The following SERAC1 variants were observed in gnomAD, a reference collection of about 807,000 sequenced individuals.
SERAC1 encodes protein SERAC1.
SERAC1 carries 36 observed loss-of-function variants against 85.7 expected under a neutral mutation model. That is an observed-to-expected ratio of 0.42 (90% CI 0.32 to 0.55). SERAC1 has a LOEUF of 0.55. Ranked by LOEUF, SERAC1 falls within the 20% of genes least tolerant of loss-of-function variation. The pLI, the probability that SERAC1 is intolerant of heterozygous loss-of-function variation, is 0.11. For synonymous variants in SERAC1, 242 were observed against 265.3 expected (o/e 0.91, Z 0.85); for missense variants, 629 against 796.2 (o/e 0.79, Z 2.53).
chr6:158,129,931 G>A (rs1167743044), intron 9 of SERAC1, among the ~76,000 whole-genome samples: 3 of 152,012 alleles, frequency 2.0e-5, no homozygotes, highest in Non-Finnish European at 4.4e-5. Flanking sequence ...CCTGACCTCA[G>A]GTGACCCACC....
chr6:158,150,121 G>A (rs1785168125), intron 4 of SERAC1, among the ~76,000 whole-genome samples: 1 of 152,172 alleles, frequency 6.6e-6, no homozygotes, highest in African/African-American at 2.4e-5. Context: ...AAATATCACT[G>A]AGCTAAATTA....
intron 8 of SERAC1, among the ~76,000 whole-genome samples, chr6:158,136,642 G>A (rs1361787002): frequency 2.0e-5 from 3 of 152,164 alleles, no homozygotes; most frequent in African/African-American, 4.8e-5. Context: ...CTACAGGCAT[G>A]GGCCACTGTG....
intron 8 of SERAC1, among the ~76,000 whole-genome samples, chr6:158,135,400 G>A (rs1024384515): frequency 6.6e-6 from 1 of 151,972 alleles, no homozygotes; most frequent in East Asian, 1.9e-4. Context: ...GCATGGTGGC[G>A]GATATGCCTA....
chr6:158,126,979 G>A (rs1784553211), intron 10 of SERAC1, among the ~76,000 whole-genome samples: 1 of 151,734 alleles, frequency 6.6e-6, no homozygotes, highest in Non-Finnish European at 1.5e-5. Context: ...ATTGAGCCTA[G>A]GAGTTTAAGG....
chr6:158,148,771 A>G, intron 5 of SERAC1, 94 bp downstream of exon 5: 4 of 883,366 alleles, frequency 4.5e-6, no homozygotes, highest in Non-Finnish European at 6.8e-6. Context: ...TATAAAAAAT[A>G]TTAGTATAAG....
intron 3 of SERAC1, among the ~76,000 whole-genome samples, chr6:158,151,316 C>T (rs1434553641): frequency 6.6e-6 from 1 of 152,188 alleles, no homozygotes; most frequent in Non-Finnish European, 1.5e-5. Flanking sequence ...GAGGCTAAAG[C>T]AGAAGGATCC....
chr6:158,125,932 A>T (rs1397323452), intron 10 of SERAC1, among the ~76,000 whole-genome samples: 3 of 151,006 alleles, frequency 2.0e-5, no homozygotes, highest in African/African-American at 7.4e-5. Context: ...GAATTTAAAA[A>T]CAAACACTCA....
At chr6:158,151,523 G>A (rs191089056) in intron 3 of SERAC1, among the ~76,000 whole-genome samples, 1,624 of 152,114 alleles carry the variant, frequency 0.011, 5 homozygotes, top group Middle Eastern at 0.037. Context: ...CTGGGTTCAC[G>A]CCATTCTCTC....
intron 13 of SERAC1, 151 bp from the exon 14 acceptor site, chr6:158,116,433 T>C (rs1158405177): frequency 1.6e-6 from 1 of 623,002 alleles, no homozygotes; most frequent in Non-Finnish European, 2.8e-6. Flanking sequence ...CTGCTTAATA[T>C]AAAATACCCC....
intron 8 of SERAC1, among the ~76,000 whole-genome samples, chr6:158,139,527 CA>C (rs1314421794): frequency 6.6e-6 from 1 of 152,116 alleles, no homozygotes; most frequent in Non-Finnish European, 1.5e-5. Flanking sequence ...GGTGCTGCAA[CA>C]TGAAAAGATG....
At chr6:158,137,395 C>T (rs1214829172) in intron 8 of SERAC1, among the ~76,000 whole-genome samples, 1 of 151,038 alleles carries the variant, frequency 6.6e-6, no homozygotes, top group African/African-American at 2.4e-5. Flanking sequence ...TTTTTTGAGA[C>T]GGAGTCTTGC....
chr6:158,136,078 G>A (rs549587499), intron 8 of SERAC1, among the ~76,000 whole-genome samples: 74 of 152,214 alleles, frequency 4.9e-4, no homozygotes, highest in African/African-American at 1.6e-3. Context: ...CCAAAGTGCT[G>A]GAATTACAGG....
intron 15 of SERAC1, among the ~76,000 whole-genome samples, chr6:158,114,084 TGAG>T (rs1402819279): frequency 2.6e-5 from 4 of 151,616 alleles, no homozygotes; most frequent in African/African-American, 4.8e-5. Context: ...AACAGCTAGA[TGAG>T]GAGTAGAAGG....
At chr6:158,113,898 C>T (rs968972161) in intron 15 of SERAC1, among the ~76,000 whole-genome samples, 8 of 152,100 alleles carry the variant, frequency 5.3e-5, no homozygotes, top group Non-Finnish European at 1.2e-4. Flanking sequence ...GGCACCACAA[C>T]ACCCACCCCA....
chr6:158,131,693 G>A (rs1784680906), intron 8 of SERAC1, among the ~76,000 whole-genome samples: 3 of 151,988 alleles, frequency 2.0e-5, no homozygotes, highest in Admixed American at 6.6e-5. Context: ...TGGCATCGGT[G>A]ATCAAGATCA....
intron 9 of SERAC1, among the ~76,000 whole-genome samples, chr6:158,129,460 A>G (rs1026357977): frequency 1.3e-5 from 2 of 152,262 alleles, no homozygotes; most frequent in Non-Finnish European, 2.9e-5. Flanking sequence ...TGGACTCCAC[A>G]CCAAATCTAT....
chr6:158,120,333 T>C lies in SERAC1; in HGVS notation c.1166+92A>G. On this transcript the variant is annotated intron_variant, in intron 11 of 16. Coordinates refer to ENST00000647468, the MANE Select transcript of SERAC1 (RefSeq NM_032861.4). The surrounding 1 kb of genome is among the most constrained non-coding windows in gnomAD (Gnocchi z 4.4). The stretch of plus-strand genomic sequence containing the variant: ...TATTTGACTTATAAGTTATTTAACT[T>C]ATCTGAATTATGCAGAAATAAGTTA... 7.8e-7 allele frequency: 1 copy of C among 1,283,348 alleles called. No homozygotes were observed. Among genetic ancestry groups the C allele is most frequent in the Admixed American group, 2.5e-5 (1 of 40,610 alleles). The allele number at this position is 1,283,348 out of a possible 1,614,324, so 79.5% of individuals were successfully genotyped here.
chr6:158,130,356 T>G lies in SERAC1; in HGVS notation c.852+17A>C. 2.2e-6 allele frequency: 3 copies of G among 1,378,684 alleles called. No homozygotes were observed. The highest frequency in any genetic ancestry group is 3.0e-6 in the Non-Finnish European group (3 of 1,016,132). The allele number at this position is 1,378,684 out of a possible 1,614,324, so 85.4% of individuals were successfully genotyped here. ...AAAATCATAAAAAGTAAACTACATT[T>G]TGAAAATGTAAATTACCTCAGAATG... On this transcript the variant is annotated intron_variant, in intron 9 of 16. Transcript: ENST00000647468.
intron 1 of SERAC1, among the ~76,000 whole-genome samples, chr6:158,163,947 G>A (rs1288184221): frequency 6.6e-6 from 1 of 151,814 alleles, no homozygotes. Flanking sequence ...ATCTTGGCCA[G>A]GCTGGTCTTG....
Sources: allele counts gnomAD v4.1 joint callset (sites outside exome capture counted in the v4.1 genomes callset), GRCh38; gene constraint gnomAD v4.1.1; non-coding constraint Gnocchi (gnomAD v3.1); transcripts MANE v1.5; gene names NCBI Gene and HGNC (gene_info 2026-07-23, HGNC 2026-07-21).